DCLRE1C: variants seen among roughly 807,000 people sequenced by gnomAD.
DCLRE1C encodes the protein DNA cross-link repair 1C, also known as protein artemis.
A neutral mutation model predicts 61.4 loss-of-function variants in DCLRE1C; 47 were observed. That is an observed-to-expected ratio of 0.77 (90% CI 0.61 to 0.98). The LOEUF (loss-of-function observed/expected upper bound fraction) is 0.98. Among genes scored for constraint, DCLRE1C ranks in the 50% least tolerant of loss-of-function variants. The probability of loss-of-function intolerance (pLI) is 0.00; values close to 1 mark genes in which losing one functional copy is unlikely to be tolerated. For synonymous variants in DCLRE1C, 337 were observed against 287.6 expected, an observed-to-expected ratio of 1.17 and a Z score of -1.74; for missense variants, 858 against 816.0, an observed-to-expected ratio of 1.05 and a Z score of -0.63.
At chr10:14,941,579 G>A (rs921153761) in intron 3 of DCLRE1C, among the ~76,000 whole-genome samples, 9 of 152,146 alleles carry the variant, frequency 5.9e-5, no homozygotes, top group African/African-American at 2.2e-4. Flanking sequence ...GAGCCCCCAA[G>A]CCTAGCCATA....
At position 14,907,745 on chromosome 10, in the gene DCLRE1C, G is replaced by C. The variant is rs1350471032; in HGVS notation, c.*663C>G. 2 of 151,774 alleles carry C rather than the reference G, an allele frequency of 1.3e-5. No homozygotes were observed. Among genetic ancestry groups the C allele is most frequent in the Non-Finnish European group, 2.9e-5 (2 of 68,042 alleles). The allele number at this position is 151,774 out of a possible 1,614,324, so 9.4% of individuals were successfully genotyped here. On this transcript the variant is annotated 3_prime_UTR_variant, in exon 14 of 14. Transcript: ENST00000378278. ...GAATTGACTTTCTTTATAGACAGCA[G>C]ATCACTGGGTTATGTTGGTTTTTTC...
chr10:14,909,376 G>A, intron 13 of DCLRE1C, 46 bp from the exon 14 acceptor site: 1 of 1,556,218 alleles, frequency 6.4e-7, no homozygotes, highest in Non-Finnish European at 8.8e-7. Flanking sequence ...GGCAAAGGGA[G>A]CCAATTTGTA....
At position 14,920,362 on chromosome 10, in the gene DCLRE1C, G is replaced by T. The variant is rs533722894; in HGVS notation, c.1062-530C>A. ...AAAATACAAAAAGGCAGAGAAATAAGATTTGAAGACGTCCTACCCCTTTCG... is the reference window on the plus strand; with the variant it reads ...AAAATACAAAAAGGCAGAGAAATAATATTTGAAGACGTCCTACCCCTTTCG... On this transcript the variant is annotated intron_variant, in intron 12 of 13. Transcript: ENST00000378278. The T allele has an allele frequency of 2.9e-5, 30 of 1,038,622 alleles. No individual in the cohort carries two copies. In the African/African-American group the frequency reaches 4.8e-4, roughly 17 times the overall value. 64.3% of individuals were successfully genotyped at this position (1,038,622 alleles called of 1,614,324 possible).
At chr10:14,913,233 C>T (rs916494568) in intron 13 of DCLRE1C, among the ~76,000 whole-genome samples, 1 of 152,166 alleles carries the variant, frequency 6.6e-6, no homozygotes, top group Non-Finnish European at 1.5e-5. Flanking sequence ...CGGCCTAAGG[C>T]CGGGAATAGT....
chr10:14,953,785 GC>G (rs1355779678), intron 1 of DCLRE1C, 116 bp downstream of exon 1: 67 of 1,454,810 alleles, frequency 4.6e-5, no homozygotes, highest in Non-Finnish European at 6.0e-5. Context: ...GCGTGTGCTG[GC>G]CGCCCCCTCG....
intron 10 of DCLRE1C, 122 bp from the exon 11 acceptor site, chr10:14,927,019 G>T: frequency 1.3e-6 from 1 of 780,352 alleles, no homozygotes; most frequent in Non-Finnish European, 2.2e-6. Flanking sequence ...CGCTTCAGCA[G>T]CAAGTGTCGA....
At chr10:14,913,206 A>G (rs929416528) in intron 13 of DCLRE1C, among the ~76,000 whole-genome samples, 4 of 152,278 alleles carry the variant, frequency 2.6e-5, no homozygotes, top group Admixed American at 2.0e-4. Context: ...CTATAGAGAC[A>G]AACCATAGAT....
chr10:14,917,504 A>C lies in DCLRE1C; in HGVS notation c.1156+2234T>G, dbSNP rs574985458. Among the ~76,000 whole-genome samples, 4 of 152,146 alleles carry C rather than the reference A, an allele frequency of 2.6e-5. No individual in the cohort carries two copies. The East Asian group carries it at 7.7e-4, about 29-fold the overall frequency. Reference sequence around the variant, plus strand: ...ATATATTTAAAAAAAAAAAACAAAAAAAACTTGTATCCAGAAACTTAGGAA... The same window carrying C: ...ATATATTTAAAAAAAAAAAACAAAACAAACTTGTATCCAGAAACTTAGGAA... On this transcript the variant is annotated intron_variant, in intron 13 of 13. Transcript: ENST00000378278.
At chr10:14,915,594 T>A (rs1359376624) in intron 13 of DCLRE1C, among the ~76,000 whole-genome samples, 3 of 148,974 alleles carry the variant, frequency 2.0e-5, no homozygotes, top group East Asian at 4.0e-4. Context: ...AAAAAAAAAA[T>A]AACCTGAATA....
chr10:14,931,427 G>A (rs373346425), intron 9 of DCLRE1C, among the ~76,000 whole-genome samples: 3 of 151,988 alleles, frequency 2.0e-5, no homozygotes, highest in Admixed American at 6.6e-5. Context: ...GTGTGGTAGC[G>A]GGAGCCTGTA....
chr10:14,931,950 C>A (rs1461567402), intron 9 of DCLRE1C, among the ~76,000 whole-genome samples: 1 of 152,090 alleles, frequency 6.6e-6, no homozygotes, highest in Non-Finnish European at 1.5e-5. Flanking sequence ...AGGAGAATCG[C>A]TTGAACTCAG....
intron 6 of DCLRE1C, among the ~76,000 whole-genome samples, chr10:14,935,043 C>T (rs550686644): frequency 5.3e-5 from 8 of 151,834 alleles, no homozygotes; most frequent in Admixed American, 2.6e-4. Flanking sequence ...AGGCTGGTCT[C>T]GAACTCCTGG....
At chr10:14,939,046 G>T (rs546206036) in intron 4 of DCLRE1C, among the ~76,000 whole-genome samples, 131 of 152,314 alleles carry the variant, frequency 8.6e-4, no homozygotes, top group African/African-American at 3.1e-3. Context: ...GGGCATAGAA[G>T]CCTTGTGAGT....
Position 14,909,159 on chromosome 10 carries a change from C to T in DCLRE1C, c.1328G>A (p.Ser443Asn). 4 of 1,614,212 alleles carry T rather than the reference C, an allele frequency of 2.5e-6. No individual in the cohort carries two copies. The highest frequency in any genetic ancestry group is 3.4e-6 in the Non-Finnish European group (4 of 1,180,028). Residue 443 changes from serine to asparagine, a missense_variant, in exon 14 of 14, where the codon AGC becomes AAC. This residue lies in a region of DCLRE1C where 843 missense variants were observed against 783.5 expected (regional missense o/e 1.08). Coordinates refer to ENST00000378278, the MANE Select transcript of DCLRE1C (RefSeq NM_001033855.3). ...PGCCRAECMQ[S>N]SRFTNFVDCE... ...ATCTACAAAGTTTGTGAAACGAGAG[C>T]TCTGCATACACTCTGCTCTGCAGCA...
intron 4 of DCLRE1C, among the ~76,000 whole-genome samples, chr10:14,937,975 A>G (rs1028701749): frequency 6.6e-6 from 1 of 151,790 alleles, no homozygotes; most frequent in African/African-American, 2.4e-5. Flanking sequence ...ACTGTTCGGC[A>G]AGGGCAAGAC....
chr10:14,930,934 C>A (rs1320304038), intron 9 of DCLRE1C, among the ~76,000 whole-genome samples: 1 of 152,212 alleles, frequency 6.6e-6, no homozygotes, highest in East Asian at 1.9e-4. Context: ...TACAGGAAAA[C>A]ATTCCATGCT....
At chr10:14,913,221 T>G (rs764584512) in intron 13 of DCLRE1C, among the ~76,000 whole-genome samples, 1 of 152,234 alleles carries the variant, frequency 6.6e-6, no homozygotes, top group South Asian at 2.1e-4. Flanking sequence ...ATAGATTAGT[T>G]GCGGCCTAAG....
downstream of DCLRE1C, among the ~76,000 whole-genome samples, chr10:14,902,223 T>G (rs942976798): frequency 6.6e-6 from 1 of 152,232 alleles, no homozygotes; most frequent in Non-Finnish European, 1.5e-5. Flanking sequence ...AATATTAACA[T>G]TTATTTGTAA....
intron 5 of DCLRE1C, 40 bp from the exon 6 acceptor site, chr10:14,935,604 A>G (rs370006951): frequency 2.7e-5 from 43 of 1,580,654 alleles, no homozygotes; most frequent in African/African-American, 2.3e-4. Context: ...TGAGTCTCAT[A>G]TAAACTCCCA....
Sources: gnomAD v4.1 joint callset for allele counts (sites outside exome capture counted in the v4.1 genomes callset) on GRCh38, gnomAD v4.1.1 for gene constraint, gnomAD v4.1.1 regional missense constraint, MANE v1.5 for transcripts, NCBI Gene and HGNC (gene_info 2026-07-23, HGNC 2026-07-21) for gene names.